Variants in SHPRH observed in about 807,000 individuals in gnomAD.
SHPRH encodes SNF2 histone linker PHD RING helicase.
Under a neutral mutation model 202.5 loss-of-function variants are expected in SHPRH, and 106 were observed. The observed-to-expected ratio is 0.52, with a 90% CI of 0.45 to 0.62. The LOEUF is 0.62. Among genes scored for constraint, SHPRH ranks in the 20% least tolerant of loss-of-function variants. The pLI, the probability that SHPRH is intolerant of heterozygous loss-of-function variation, is 0.00. For synonymous variants in SHPRH, 729 were observed against 686.0 expected (o/e 1.06, Z -0.98); for missense variants, 1,710 against 2,020.0 (o/e 0.85, Z 2.94).
At chr6:145,949,428 C>A (rs958995586) in intron 4 of SHPRH, among the ~76,000 whole-genome samples, 1 of 152,028 alleles carries the variant, frequency 6.6e-6, no homozygotes, top group Non-Finnish European at 1.5e-5. Flanking sequence ...GAAATAATGT[C>A]TTTTGCAGCA....
At chr6:145,958,882 G>C (rs1457356918) in intron 1 of SHPRH, among the ~76,000 whole-genome samples, 1 of 152,066 alleles carries the variant, frequency 6.6e-6, no homozygotes, top group African/African-American at 2.4e-5. Context: ...TGCCCAGCTG[G>C]AGTGCAGTGG....
chr6:145,945,407 C>T lies in SHPRH; in HGVS notation c.1552G>A (p.Asp518Asn). ...TGCTTTTTTGTTTTATCACATATAT[C>T]CTCTTCCTTGTAATTCTTTCCCAAT... ...FTLGKNYKEE[D>N]ICDKTKKQAV... Residue 518 changes from aspartate (D) to asparagine (N), a missense_variant, in exon 8 of 30, where the codon GAT becomes AAT. Transcript: ENST00000275233. 1.9e-6 allele frequency: 3 copies of T among 1,612,372 alleles called. No individual in the cohort carries two copies. The highest frequency in any genetic ancestry group is 1.1e-5 in the South Asian group (1 of 91,008).
At position 145,913,422 on chromosome 6, in the gene SHPRH, C is replaced by A. The variant is rs991984481; in HGVS notation, c.4326+56G>T. ...ACGAGAGAAAGATTTTATGTAGAAACCTTTGAAAACTGTAAGGTATTTTAT... is the reference window on the plus strand; with the variant it reads ...ACGAGAGAAAGATTTTATGTAGAAAACTTTGAAAACTGTAAGGTATTTTAT... On this transcript the variant is annotated intron_variant, in intron 24 of 29. Transcript: ENST00000275233. 2.0e-6 allele frequency: 3 copies of A among 1,473,300 alleles called. No individual in the cohort carries two copies. In the South Asian group the frequency reaches 3.6e-5, roughly 18 times the overall value. 91.3% of individuals were successfully genotyped at this position (1,473,300 alleles called of 1,614,324 possible).
chr6:145,926,603 A>G (rs1784901945), intron 15 of SHPRH, among the ~76,000 whole-genome samples: 1 of 151,918 alleles, frequency 6.6e-6, no homozygotes, highest in Admixed American at 6.6e-5. Context: ...TGAACATGTT[A>G]GTCAGTCCCA....
chr6:145,880,632 GAA>G (rs373352803), downstream of SHPRH, among the ~76,000 whole-genome samples: 2 of 120,032 alleles, frequency 1.7e-5, no homozygotes. Context: ...TTGTCTCAAA[GAA>G]AAAAAAAAAA....
intron 25 of SHPRH, chr6:145,906,809 A>T (rs1410568254): frequency 1.3e-5 from 2 of 152,062 alleles, no homozygotes; most frequent in Non-Finnish European, 2.9e-5. Context: ...GTATTAAAAG[A>T]GCTCCTTCTA....
intron 28 of SHPRH, among the ~76,000 whole-genome samples, 158 bp downstream of exon 28, chr6:145,893,053 TATAA>T (rs1255314550): frequency 6.6e-6 from 1 of 151,876 alleles, no homozygotes; most frequent in Non-Finnish European, 1.5e-5. Flanking sequence ...ATTAAAAAGT[TATAA>T]ATAAATAAGT....
chr6:145,956,086 AAACAACAGT>A (rs1460623855), intron 1 of SHPRH, among the ~76,000 whole-genome samples: 2 of 152,144 alleles, frequency 1.3e-5, no homozygotes, highest in Non-Finnish European at 2.9e-5. Context: ...TAAACAATGG[AAACAACAGT>A]AACAACAGAA....
intron 17 of SHPRH, 107 bp downstream of exon 17, chr6:145,924,632 G>A: frequency 2.3e-6 from 2 of 856,988 alleles, no homozygotes; most frequent in East Asian, 2.5e-5. Context: ...TAGGTGCTAA[G>A]GATTTCAAAA....
At chr6:145,884,791 T>C (rs1376596775), downstream of SHPRH, 1 of 152,116 alleles carries the variant, frequency 6.6e-6, no homozygotes, top group Non-Finnish European at 1.5e-5. Context: ...GTCTCAGAAA[T>C]CAAAGAATTC....
chr6:145,894,230 C>T lies in SHPRH; in HGVS notation c.4615G>A (p.Asp1539Asn). 6.3e-7 allele frequency: 1 copy of T among 1,598,520 alleles called. No homozygotes were observed. The highest frequency in any genetic ancestry group is 8.5e-7 in the Non-Finnish European group (1 of 1,173,520). The change falls in exon 27 of 30, where the codon GAT becomes AAT. Residue 1539 changes from aspartate (D) to asparagine (N), a missense_variant. By Grantham distance (23) the Asp-to-Asn change is conservative (BLOSUM62 1). This residue lies in a region of SHPRH where 306 missense variants were observed against 479.5 expected (regional missense o/e 0.64). Coordinates refer to ENST00000275233, the MANE Select transcript of SHPRH (RefSeq NM_001042683.3). Reference sequence around the variant, plus strand: ...GCTTTTGAAATAATATCTAATACATCTTGCCACTAGAACACATAAAACAAT... The same window carrying T: ...GCTTTTGAAATAATATCTAATACATTTTGCCACTAGAACACATAAAACAAT... ...AKALVFSTWQ[D>N]VLDIISKALT...
intron 25 of SHPRH, among the ~76,000 whole-genome samples, chr6:145,902,521 A>AC (rs1486693958): frequency 6.6e-6 from 1 of 152,180 alleles, no homozygotes; most frequent in Non-Finnish European, 1.5e-5. Flanking sequence ...TAATAAACCA[A>AC]CCAAGTAGCA....
intron 13 of SHPRH, 75 bp downstream of exon 13, chr6:145,934,832 G>A: frequency 7.1e-7 from 1 of 1,415,704 alleles, no homozygotes; most frequent in Non-Finnish European, 9.6e-7. Flanking sequence ...ACATGTCTCT[G>A]AATGAAACCG....
intron 9 of SHPRH, among the ~76,000 whole-genome samples, chr6:145,942,401 T>C (rs1786885768): frequency 6.6e-6 from 1 of 152,198 alleles, no homozygotes; most frequent in Admixed American, 6.5e-5. Context: ...TAAAGTGACT[T>C]GCTCAAAACT....
chr6:145,917,191 G>A (rs1784030408), intron 23 of SHPRH: 2 of 152,068 alleles, frequency 1.3e-5, no homozygotes, highest in Non-Finnish European at 2.9e-5. Context: ...CAAAAACCTA[G>A]AAAGTGCTTA....
Position 145,895,010 on chromosome 6 carries a change from C to G in SHPRH, c.4516-33G>C, listed in dbSNP as rs192105914. On this transcript the variant is annotated intron_variant, in intron 25 of 29. Coordinates refer to ENST00000275233, the MANE Select transcript of SHPRH (RefSeq NM_001042683.3). The stretch of plus-strand genomic sequence containing the variant: ...CACACACACAAAATACACATTACTA[C>G]TAAAAAATCTAGTTAAGAACAGAAT... The G allele has an allele frequency of 4.4e-4, 704 of 1,582,384 alleles. 2 individuals carry two copies. The African/African-American group carries it at 8.6e-3, about 19-fold the overall frequency.
rs886739042 is a variant in SHPRH at position 145,918,301 on chromosome 6, C to T, written c.4153-69G>A. The T allele has an allele frequency of 1.6e-5, 16 of 996,692 alleles. 1 individual carries two copies. The African/African-American group carries it at 2.7e-4, about 17-fold the overall frequency. The allele number at this position is 996,692 out of a possible 1,614,324, so 61.7% of individuals were successfully genotyped here. A position where few individuals can be genotyped will look rare whatever the true frequency, so the allele number is the denominator to read the frequency against. The stretch of plus-strand genomic sequence containing the variant: ...ACAGTTAAATTATATTAAATATGGA[C>T]AATTCTCCAGTAATACAAATGTATT... On this transcript the variant is annotated intron_variant, in intron 22 of 29. Transcript: ENST00000275233.
rs193279101 is a variant in SHPRH, at chr6:145,928,695, G to A, written c.3113-1418C>T. ...TTCAGTGGCATTATGTATATTCAGTGTTGTGCAAAACACCTAATTTAAAAT... is the reference window on the plus strand; with the variant it reads ...TTCAGTGGCATTATGTATATTCAGTATTGTGCAAAACACCTAATTTAAAAT... On this transcript the variant is annotated intron_variant, in intron 14 of 29. Coordinates refer to ENST00000275233, the MANE Select transcript of SHPRH (RefSeq NM_001042683.3). Among the ~76,000 whole-genome samples, 306 of 151,944 alleles carry A rather than the reference G, an allele frequency of 2.0e-3. 2 individuals carry two copies. The highest frequency in any genetic ancestry group is 7.2e-3 in the African/African-American group (297 of 41,516).
intron 13 of SHPRH, among the ~76,000 whole-genome samples, chr6:145,934,700 T>C (rs1416317001): frequency 6.0e-5 from 9 of 151,202 alleles, no homozygotes; most frequent in Non-Finnish European, 1.2e-4. Context: ...AAAAACACCA[T>C]ACCCACTGCA....
Sources: gnomAD v4.1 joint callset for allele counts (sites outside exome capture counted in the v4.1 genomes callset) on GRCh38, gnomAD v4.1.1 for gene constraint, gnomAD v4.1.1 regional missense constraint, MANE v1.5 for transcripts, NCBI Gene and HGNC (gene_info 2026-07-23, HGNC 2026-07-21) for gene names.